The following UNC93A variants were observed in gnomAD, a reference collection of about 807,000 sequenced individuals.
UNC93A encodes N-acetylglucosamine transporter UNC93A.
In UNC93A, 43 loss-of-function variants were observed where a neutral mutation model predicts 47.5. The ratio of observed to expected loss-of-function variants is 0.91; its 90% CI spans 0.71 to 1.17. UNC93A has a LOEUF of 1.17. Among genes scored for constraint, UNC93A ranks in the 50% most tolerant of loss-of-function variants. The pLI is 0.00. For synonymous variants in UNC93A, 280 were observed against 258.0 expected (o/e 1.09, Z -0.82); for missense variants, 605 against 577.6 (o/e 1.05, Z -0.49).
chr6:167,307,988 G>GCCCC, intron 7 of UNC93A, 78 bp downstream of exon 7: 7 of 1,571,200 alleles, frequency 4.5e-6, no homozygotes, highest in Non-Finnish European at 6.0e-6. Flanking sequence ...GGGCTCATTA[G>GCCCC]ATGCCAATGG....
At chr6:167,306,210 C>T (rs1286219523) in intron 6 of UNC93A, among the ~76,000 whole-genome samples, 160 bp downstream of exon 6, 2 of 152,150 alleles carry the variant, frequency 1.3e-5, no homozygotes, top group Non-Finnish European at 2.9e-5. Flanking sequence ...CTTTCTTCAC[C>T]CCCTCAACAA....
rs537642909 is a variant in UNC93A at position 167,279,139 on chromosome 6, A to G, written c.-52+7681A>G. 2.6e-5 allele frequency among the ~76,000 whole-genome samples: 4 copies of G among 152,330 alleles called. 1 individual carries two copies. The East Asian group carries it at 7.7e-4, about 29-fold the overall frequency. ...AAGACATACTTATTAGATGTGTTAA[A>G]AAGAATGTGTTTCAGTGGAAATCTA... On this transcript the variant is annotated intron_variant, in intron 1 of 3. Coordinates refer to the UNC93A transcript ENST00000503433.
intron 4 of UNC93A, among the ~76,000 whole-genome samples, chr6:167,302,059 A>C (rs1272722808): frequency 5.3e-5 from 8 of 152,228 alleles, no homozygotes; most frequent in Non-Finnish European, 1.2e-4. Context: ...ATGTTTAGCC[A>C]AGATGGAAAG....
intron 2 of UNC93A, 22 bp from the exon 3 acceptor site, chr6:167,296,004 AGGCTAT>A: frequency 6.2e-7 from 1 of 1,601,868 alleles, no homozygotes; most frequent in Non-Finnish European, 8.5e-7. Flanking sequence ...CTCCTGTTAC[AGGCTAT>A]GGGTCTGCAT....
chr6:167,279,596 T>G (rs931041195), intron 1 of UNC93A, among the ~76,000 whole-genome samples: 10 of 152,208 alleles, frequency 6.6e-5, no homozygotes, highest in African/African-American at 2.2e-4. Context: ...ATTGCTTATA[T>G]TTTATTCCAT....
chr6:167,299,023 C>A (rs994250260), intron 4 of UNC93A, among the ~76,000 whole-genome samples: 17 of 150,520 alleles, frequency 1.1e-4, no homozygotes, highest in Admixed American at 1.1e-3. Flanking sequence ...GGGGCTGAGG[C>A]AGGAGAATCA....
chr6:167,295,931 C>A, intron 2 of UNC93A, 101 bp from the exon 3 acceptor site: 7 of 1,069,544 alleles, frequency 6.5e-6, no homozygotes, highest in Non-Finnish European at 8.3e-6. Context: ...ATGGGCCAGG[C>A]GGTGGTTCCT....
At chr6:167,312,355 G>T (rs1421426512) in intron 7 of UNC93A, among the ~76,000 whole-genome samples, 1 of 151,934 alleles carries the variant, frequency 6.6e-6, no homozygotes, top group Non-Finnish European at 1.5e-5. Context: ...ACGCGGTTCT[G>T]CGGGAGCGAG....
chr6:167,280,263 TG>T (rs1460633811), intron 1 of UNC93A, among the ~76,000 whole-genome samples: 3 of 152,148 alleles, frequency 2.0e-5, no homozygotes, highest in Non-Finnish European at 4.4e-5. Context: ...TGAGCTCAGA[TG>T]GTGCCTTCAA....
upstream of UNC93A, among the ~76,000 whole-genome samples, chr6:167,286,977 C>CAAAAA (rs548370859): frequency 3.6e-5 from 4 of 109,990 alleles, no homozygotes; most frequent in African/African-American, 6.5e-5. Flanking sequence ...GACTCTGTCT[C>CAAAAA]AAAAAAAAAA....
At chr6:167,271,988 G>T (rs961757668) in intron 1 of UNC93A, among the ~76,000 whole-genome samples, 3 of 152,194 alleles carry the variant, frequency 2.0e-5, no homozygotes, top group African/African-American at 7.2e-5. Flanking sequence ...AGGCTGATAA[G>T]GCCTAGACTT....
intron 1 of UNC93A, among the ~76,000 whole-genome samples, chr6:167,280,179 G>A (rs1389409729): frequency 1.3e-5 from 2 of 152,140 alleles, no homozygotes; most frequent in African/African-American, 2.4e-5. Flanking sequence ...CTCAAAAGCC[G>A]AGGATGAGGT....
At chr6:167,285,961 T>G (rs1380311642) in intron 1 of UNC93A, among the ~76,000 whole-genome samples, 1 of 134,228 alleles carries the variant, frequency 7.5e-6, no homozygotes, top group Non-Finnish European at 1.7e-5. Context: ...TCTCTCTCTC[T>G]ATATATATAT....
intron 1 of UNC93A, among the ~76,000 whole-genome samples, chr6:167,273,296 AC>A (rs1783481520): frequency 1.5e-5 from 1 of 65,806 alleles, no homozygotes; most frequent in African/African-American, 5.4e-5. Flanking sequence ...CAGGCCCCCA[AC>A]TCCTAACTCC....
At chr6:167,305,101 C>CTCCG (rs1337420381) in intron 5 of UNC93A, among the ~76,000 whole-genome samples, 1 of 91,770 alleles carries the variant, frequency 1.1e-5, no homozygotes, top group East Asian at 3.3e-4. Flanking sequence ...AACTTCTCTG[C>CTCCG]TCCAGATCCC....
chr6:167,300,701 C>T (rs1290556778), intron 4 of UNC93A, among the ~76,000 whole-genome samples: 1 of 152,084 alleles, frequency 6.6e-6, no homozygotes, highest in Admixed American at 6.5e-5. Flanking sequence ...CAACATGGTC[C>T]CAGGGACCAG....
rs556926749 is a variant in UNC93A, at chr6:167,308,897, T to C, written c.1108+987T>C. 8.5e-4 allele frequency among the ~76,000 whole-genome samples: 129 copies of C among 152,114 alleles called. 1 individual carries two copies. Among genetic ancestry groups the C allele is most frequent in the South Asian group, 2.1e-3 (10 of 4,810 alleles). ...TCGGATAGAAGGTGACATCCCATGA[T>C]GATGGCAGGAGCCAAATGCCAAAGT... is the stretch of plus-strand genomic sequence containing the variant. On this transcript the variant is annotated intron_variant, in intron 7 of 7. Coordinates refer to ENST00000230256, the MANE Select transcript of UNC93A (RefSeq NM_018974.4).
At chr6:167,288,449 TACACACACACACACACACACAC>T (rs10586281), upstream of UNC93A, among the ~76,000 whole-genome samples, 2 of 134,734 alleles carry the variant, frequency 1.5e-5, no homozygotes, top group East Asian at 2.0e-4. Flanking sequence ...TGTTCTTCCT[TACACACACACACACACACACAC>T]ACACACACAC....
intron 1 of UNC93A, among the ~76,000 whole-genome samples, chr6:167,277,124 G>C (rs543809683): frequency 6.6e-6 from 1 of 152,236 alleles, no homozygotes; most frequent in East Asian, 1.9e-4. Flanking sequence ...TTTGTCTCCA[G>C]TAGGATCACC....
Sources: gnomAD v4.1 joint callset for allele counts (sites outside exome capture counted in the v4.1 genomes callset) on GRCh38, gnomAD v4.1.1 for gene constraint, MANE v1.5 for transcripts, NCBI Gene and HGNC (gene_info 2026-07-23, HGNC 2026-07-21) for gene names.